The following NHS variants were observed in gnomAD, a reference collection of about 807,000 sequenced individuals.
NHS encodes NHS actin remodeling regulator, also known as actin remodeling regulator NHS.
A neutral mutation model predicts 72.5 loss-of-function variants in NHS; 5 were observed. The ratio of observed to expected loss-of-function variants is 0.07; its 90% confidence interval spans 0.04 to 0.14. The LOEUF (loss-of-function observed/expected upper bound fraction) is 0.14, where lower values mean the gene tolerates loss of function less well. NHS is among the 10% of genes least tolerant of loss of function. NHS has a pLI of 1.00. For synonymous variants in NHS, 464 were observed against 547.7 expected, an observed-to-expected ratio of 0.85 and a Z score of 2.13; for missense variants, 1,072 against 1,355.7, an observed-to-expected ratio of 0.79 and a Z score of 3.29.
rs1225861836 is a variant in NHS at position 17,375,309 on chromosome X, A to G, written c.-449A>G. The G allele has an allele frequency of 1.4e-5, 4 of 284,630 alleles. No individual in the cohort carries two copies. The highest frequency in any genetic ancestry group is 2.5e-5 in the Non-Finnish European group (4 of 163,132). 23.5% of individuals were successfully genotyped at this position (284,630 alleles called of 1,213,427 possible). ...CGCGGGGAGAGGCCTGCGCCGGGGT[A>G]CTTTCAAACTGAGGCGCGCGCACAC... is the stretch of plus-strand genomic sequence containing the variant. On this transcript the variant is annotated 5_prime_UTR_variant, in exon 1 of 9. Coordinates refer to ENST00000676302, the MANE Select transcript of NHS (RefSeq NM_001291867.2).
chrX:17,454,370 C>G (rs1182468799), intron 1 of NHS, among the ~76,000 whole-genome samples: 1 of 111,850 alleles, frequency 8.9e-6, no homozygotes, highest in East Asian at 2.8e-4. Context: ...GTCAGTGGTC[C>G]TAGTCACTGG....
chrX:17,615,864 A>C, intron 1 of NHS, among the ~76,000 whole-genome samples: 1 of 103,291 alleles, frequency 9.7e-6, no homozygotes, highest in Non-Finnish European at 1.9e-5. Flanking sequence ...CCTGATTGAT[A>C]TCCATAGGCA....
At chrX:17,510,397 A>G (rs976136996) in intron 1 of NHS, among the ~76,000 whole-genome samples, 1 of 112,159 alleles carries the variant, frequency 8.9e-6, no homozygotes, top group Non-Finnish European at 1.9e-5. Context: ...ATTCCACCTC[A>G]TGAATTTACT....
chrX:17,516,458 G>A (rs866449428), intron 1 of NHS, among the ~76,000 whole-genome samples: 2 of 110,257 alleles, frequency 1.8e-5, no homozygotes, highest in African/African-American at 3.3e-5. Flanking sequence ...TTCTTTCCAG[G>A]GTCTGGCTTC....
chrX:17,588,256 A>G (rs55703216), intron 1 of NHS, among the ~76,000 whole-genome samples: 48,914 of 110,326 alleles, frequency 0.44, 8,300 homozygotes, highest in East Asian at 0.66. Context: ...ATTCACAAAA[A>G]TAAGTCACAT....
intron 3 of NHS, among the ~76,000 whole-genome samples, chrX:17,700,974 G>T (rs1210601486): frequency 8.9e-6 from 1 of 111,896 alleles, no homozygotes; most frequent in Non-Finnish European, 1.9e-5. Context: ...AGTCTGCTGG[G>T]CCCATAAAAT....
chrX:17,663,604 A>T (rs1396251605), intron 1 of NHS, among the ~76,000 whole-genome samples: 2 of 112,528 alleles, frequency 1.8e-5, no homozygotes, highest in African/African-American at 6.5e-5. Context: ...TTGTAAGAAT[A>T]TACCATACTT....
At chrX:17,630,278 G>A (rs962917168) in intron 1 of NHS, among the ~76,000 whole-genome samples, 1 of 104,156 alleles carries the variant, frequency 9.6e-6, no homozygotes, top group Non-Finnish European at 2.0e-5. Context: ...AATCTCATCC[G>A]AAACCCTTCC....
chrX:17,561,568 G>GCA (rs1415127425), intron 1 of NHS, among the ~76,000 whole-genome samples: 221 of 65,586 alleles, frequency 3.4e-3, no homozygotes, highest in Admixed American at 0.011. Context: ...GCGCGCGCGC[G>GCA]CGCGCGCACA....
chrX:17,643,237 C>T (rs749856717), intron 1 of NHS, among the ~76,000 whole-genome samples: 32 of 112,068 alleles, frequency 2.9e-4, no homozygotes, highest in Non-Finnish European at 5.4e-4. Flanking sequence ...AATTTAGACT[C>T]AGTTCTCTCT....
At chrX:17,547,679 A>C (rs2065300578) in intron 1 of NHS, among the ~76,000 whole-genome samples, 1 of 112,896 alleles carries the variant, frequency 8.9e-6, no homozygotes, top group Admixed American at 9.3e-5. Context: ...AATGAGGCTA[A>C]GTGTTAGAGG....
At chrX:17,486,534 C>G (rs1032267688) in intron 1 of NHS, among the ~76,000 whole-genome samples, 1 of 111,364 alleles carries the variant, frequency 9.0e-6, no homozygotes, top group African/African-American at 3.3e-5. Context: ...ACAGTGGGCT[C>G]TCCAGGGCAT....
chrX:17,450,114 T>C (rs759567072), intron 1 of NHS, among the ~76,000 whole-genome samples: 9 of 111,640 alleles, frequency 8.1e-5, no homozygotes, highest in Non-Finnish European at 1.5e-4. Flanking sequence ...TGCCTTCAGA[T>C]TGAAAACTTG....
At chrX:17,482,748 G>A (rs1440608090) in intron 1 of NHS, among the ~76,000 whole-genome samples, 2 of 112,276 alleles carry the variant, frequency 1.8e-5, no homozygotes, top group Admixed American at 9.5e-5. Flanking sequence ...AGGATTTCTG[G>A]TGGGTAAGAG....
At position 17,721,565 on chromosome X, in the gene NHS, C is replaced by T. The variant is rs200668785; in HGVS notation, c.1040C>T (p.Thr347Met). ...TNWSKALPLP[T>M]PEEKMKQDAQ... is the part of the protein sequence containing the mutation. ...TGGAGCAAAGCACTACCTCTCCCGA[C>T]GCCAGAGGAGAAGATGAAACAAGAT... Residue 347 changes from threonine to methionine, a missense_variant, in exon 5 of 9, where the codon ACG becomes ATG. Physicochemically the swap from Thr to Met is moderately conservative, Grantham distance 81. Transcript: ENST00000676302. 4.1e-6 allele frequency: 5 copies of T among 1,209,576 alleles called. No individual in the cohort carries two copies. Among genetic ancestry groups the T allele is most frequent in the Admixed American group, 2.2e-5 (1 of 45,692 alleles).
intron 1 of NHS, among the ~76,000 whole-genome samples, chrX:17,684,069 G>GCCATC (rs2066144996): frequency 9.0e-6 from 1 of 111,219 alleles, no homozygotes; most frequent in Non-Finnish European, 1.9e-5. Context: ...TTATAAAGGG[G>GCCATC]AGTTCCCCTG....
At chrX:17,415,983 G>T (rs2064591834) in intron 1 of NHS, among the ~76,000 whole-genome samples, 1 of 111,547 alleles carries the variant, frequency 9.0e-6, no homozygotes, top group Admixed American at 9.5e-5. Context: ...AAGTTGGCAT[G>T]CTATGATTTG....
intron 3 of NHS, among the ~76,000 whole-genome samples, chrX:17,694,916 C>A (rs1357848954): frequency 8.9e-6 from 1 of 111,759 alleles, no homozygotes; most frequent in Non-Finnish European, 1.9e-5. Context: ...TTCTGACTCC[C>A]AGTCTCTTTA....
chrX:17,719,033 AGAAG>A (rs762220588), intron 3 of NHS, among the ~76,000 whole-genome samples: 31 of 92,022 alleles, frequency 3.4e-4, no homozygotes, highest in Non-Finnish European at 1.1e-4. Context: ...AAAAAAGGAA[AGAAG>A]GAGGGAGGGA....
Sources: gnomAD v4.1 joint callset for allele counts (sites outside exome capture counted in the v4.1 genomes callset) on GRCh38, gnomAD v4.1.1 for gene constraint, MANE v1.5 for transcripts, NCBI Gene and HGNC (gene_info 2026-07-23, HGNC 2026-07-21) for gene names.